ANK2: variants seen among roughly 807,000 people sequenced by gnomAD.
ANK2 encodes ankyrin 2, also known as ankyrin-2.
ANK2 carries 83 observed loss-of-function variants against 360.5 expected under a neutral mutation model. The ratio of observed to expected loss-of-function variants is 0.23; its 90% CI spans 0.19 to 0.28. ANK2 has a LOEUF of 0.28. Ranked by LOEUF, ANK2 falls within the 10% of genes least tolerant of loss-of-function variation. The pLI, the probability that ANK2 is intolerant of heterozygous loss-of-function variation, is 1.00. For synonymous variants in ANK2, 1,740 were observed against 1,759.5 expected (o/e 0.99, Z 0.28); for missense variants, 4,201 against 4,795.7 (o/e 0.88, Z 3.66).
At chr4:113,126,503 C>G (rs531465421) in intron 1 of ANK2, among the ~76,000 whole-genome samples, 13 of 152,224 alleles carry the variant, frequency 8.5e-5, no homozygotes, top group African/African-American at 2.6e-4. Context: ...TACCTGGAAA[C>G]AGTAACTTCT....
At chr4:112,852,467 C>G (rs1257183731) in intron 1 of ANK2, among the ~76,000 whole-genome samples, 4 of 152,194 alleles carry the variant, frequency 2.6e-5, no homozygotes, top group Admixed American at 6.5e-5. Context: ...CATTTTATGT[C>G]TGTCCACCCT....
At chr4:113,247,484 A>G (rs1253648163) in intron 9 of ANK2, among the ~76,000 whole-genome samples, 2 of 152,192 alleles carry the variant, frequency 1.3e-5, no homozygotes, top group Non-Finnish European at 2.9e-5. Flanking sequence ...GGTATATTAA[A>G]TGTTCTCCAT....
the ANK2 span, among the ~76,000 whole-genome samples, chr4:112,784,377 A>C: frequency 1.1e-5 from 1 of 94,294 alleles, no homozygotes; most frequent in East Asian, 4.1e-4. Context: ...TTTTTTTTTC[A>C]GACAGAGTCT....
At chr4:112,886,787 C>T (rs899185862) in intron 1 of ANK2, among the ~76,000 whole-genome samples, 1 of 152,158 alleles carries the variant, frequency 6.6e-6, no homozygotes, top group Non-Finnish European at 1.5e-5. Context: ...AAGCTCAACA[C>T]ACTTTAAAGG....
At chr4:112,813,528 TA>T (rs1200817441), upstream of ANK2, among the ~76,000 whole-genome samples, 24 of 140,618 alleles carry the variant, frequency 1.7e-4, no homozygotes, top group Middle Eastern at 3.8e-3. Flanking sequence ...CAAATTATAT[TA>T]TATTTATTTA....
rs780825620 is a variant in ANK2 at position 113,381,580 on chromosome 4, C to T, written c.*109C>T. The T allele has an allele frequency of 3.7e-6, 6 of 1,600,444 alleles. No homozygotes were observed. The highest frequency in any genetic ancestry group is 3.4e-5 in the Admixed American group (2 of 58,500). Reference sequence around the variant, plus strand: ...CACTAGACCAGGACGACCTCCAGCGCGATCTCCAGCAGCTCCTTCGGCATT... The same window carrying T: ...CACTAGACCAGGACGACCTCCAGCGTGATCTCCAGCAGCTCCTTCGGCATT... On this transcript the variant is annotated 3_prime_UTR_variant, in exon 46 of 46. Transcript: ENST00000357077.
intron 4 of ANK2, among the ~76,000 whole-genome samples, chr4:113,208,498 GTTTAT>G (rs897401347): frequency 6.6e-6 from 1 of 151,728 alleles, no homozygotes; most frequent in South Asian, 2.1e-4. Context: ...AGATTTGTTT[GTTTAT>G]TTTATTTTAT....
intron 1 of ANK2, among the ~76,000 whole-genome samples, chr4:113,090,419 G>A (rs2087283655): frequency 6.6e-6 from 1 of 152,124 alleles, no homozygotes; most frequent in Non-Finnish European, 1.5e-5. Context: ...TTTAAGGGAT[G>A]AATAGGTGAG....
the ANK2 span, among the ~76,000 whole-genome samples, chr4:112,744,516 T>C: frequency 6.6e-6 from 1 of 151,830 alleles, no homozygotes; most frequent in Non-Finnish European, 1.5e-5. Flanking sequence ...ACCAGGCTAA[T>C]TTTTTGCATT....
chr4:112,830,018 G>A (rs1259551773), intron 1 of ANK2, among the ~76,000 whole-genome samples: 1 of 152,112 alleles, frequency 6.6e-6, no homozygotes. Context: ...TGGCGAGGTT[G>A]CGGAGAAAAG....
chr4:112,795,325 A>G, the ANK2 span, among the ~76,000 whole-genome samples: 8 of 152,236 alleles, frequency 5.3e-5, no homozygotes, highest in East Asian at 1.2e-3. Flanking sequence ...ACATGATGAT[A>G]ACTAGCCCTT....
intron 36 of ANK2, among the ~76,000 whole-genome samples, chr4:113,348,891 T>G (rs530494304): frequency 6.6e-6 from 1 of 152,154 alleles, no homozygotes; most frequent in Admixed American, 6.6e-5. Context: ...TTTTTCAGGC[T>G]CCTCAGTAAT....
chr4:112,849,052 G>A (rs765220995), intron 1 of ANK2, among the ~76,000 whole-genome samples: 8 of 152,208 alleles, frequency 5.3e-5, no homozygotes, highest in Non-Finnish European at 1.0e-4. Context: ...CATAGTCCAT[G>A]TTTATTGAAC....
At chr4:113,061,434 C>T (rs1310161016) in intron 1 of ANK2, among the ~76,000 whole-genome samples, 4 of 151,970 alleles carry the variant, frequency 2.6e-5, no homozygotes, top group Admixed American at 2.0e-4. Context: ...TATAGTTTGT[C>T]AAAATGAGCA....
At chr4:112,807,081 C>G in the ANK2 span, among the ~76,000 whole-genome samples, 133 of 152,206 alleles carry the variant, frequency 8.7e-4, no homozygotes, top group Non-Finnish European at 1.4e-3. Context: ...CCAAGGCCCT[C>G]TCTGATGGAG....
the ANK2 span, among the ~76,000 whole-genome samples, chr4:112,724,994 A>C: frequency 1.3e-5 from 2 of 152,162 alleles, no homozygotes; most frequent in African/African-American, 4.8e-5. Flanking sequence ...AAGGAAACAC[A>C]TTCAGCCGGG....
chr4:113,356,221 C>T lies in ANK2; in HGVS notation c.7603C>T (p.Pro2535Ser). The T allele has an allele frequency of 6.2e-7, 1 of 1,613,854 alleles. No homozygotes were observed. Among genetic ancestry groups the T allele is most frequent in the Non-Finnish European group, 8.5e-7 (1 of 1,179,954 alleles). The part of the protein sequence containing the change: ...TSLMESSGKS[P>S]LSPDTPSSEE... ...GCTCATGGAGAGCTCAGGGAAGAGC[C>T]CCCTTTCTCCTGACACCCCCAGCTC... Residue 2535 changes from proline to serine, a missense_variant, in exon 38 of 46, where the codon CCC becomes TCC. By Grantham distance (74) the Pro-to-Ser change is moderately conservative. Transcript: ENST00000357077.
rs1441862012 is a variant in ANK2, at chr4:113,333,069, G to A, written c.3240G>A (p.Glu1080=). ...GTKFLGPVIV[E]IPHFAALRGK... The stretch of plus-strand genomic sequence containing the variant: ...GCTATGTCAGGCCTGTGATCGTGGA[G>A]ATCCCTCACTTTGCGGCCCTTCGAG... Residue 1080 remains glutamate, a synonymous_variant, in exon 29 of 46, where the codon GAG becomes GAA. Coordinates refer to ENST00000357077, the MANE Select transcript of ANK2 (RefSeq NM_001148.6). 6.2e-7 allele frequency: 1 copy of A among 1,614,198 alleles called. No individual in the cohort carries two copies. The highest frequency in any genetic ancestry group is 1.7e-5 in the Admixed American group (1 of 60,026).
rs377644448 is a variant in ANK2 at position 113,355,323 on chromosome 4, C to T, written c.6705C>T (p.Gly2235=). 2 of 1,613,846 alleles carry T rather than the reference C, an allele frequency of 1.2e-6. No individual in the cohort carries two copies. The highest frequency in any genetic ancestry group is 1.3e-5 in the African/African-American group (1 of 74,870). Residue 2235 remains glycine, a synonymous_variant, in exon 38 of 46, where the codon GGC becomes GGT. Transcript: ENST00000357077. The stretch of plus-strand genomic sequence containing the variant: ...CAGAAGAAAGCTATAAGCATGAAGG[C>T]CTAGCAGAGACCCCTGAGACGAGCC... The part of the protein sequence containing the change: ...ISSEESYKHE[G]LAETPETSPE...
Sources: allele counts gnomAD v4.1 joint callset (sites outside exome capture counted in the v4.1 genomes callset), GRCh38; gene constraint gnomAD v4.1.1; transcripts MANE v1.5; gene names NCBI Gene and HGNC (gene_info 2026-07-23, HGNC 2026-07-21).